The following VWA8 variants were observed in gnomAD, a reference collection of about 807,000 sequenced individuals.
VWA8 encodes von Willebrand factor A domain containing 8, also known as von Willebrand factor A domain-containing protein 8.
A neutral mutation model predicts 241.5 loss-of-function variants in VWA8; 221 were observed. The ratio of observed to expected loss-of-function variants is 0.91; its 90% CI spans 0.82 to 1.02. The LOEUF is 1.02. Among genes scored for constraint, VWA8 ranks in the 50% least tolerant of loss-of-function variants. The probability of loss-of-function intolerance (pLI) is 0.00; values close to 1 mark genes in which losing one functional copy is unlikely to be tolerated. For missense variants in VWA8, 2,322 were observed against 2,328.7 expected (o/e 1.00, Z 0.06); for synonymous variants, 852 against 827.1 (o/e 1.03, Z -0.52).
chr13:41,901,889 A>AAAAAAATATATATAT (rs1566500253), intron 4 of VWA8, among the ~76,000 whole-genome samples: 3 of 83,330 alleles, frequency 3.6e-5, no homozygotes, highest in African/African-American at 1.5e-4. Context: ...AAAAAAAAAA[A>AAAAAAATATATATAT]ATATATATAT....
chr13:41,927,820 A>G (rs1876921356), intron 2 of VWA8, among the ~76,000 whole-genome samples: 1 of 152,206 alleles, frequency 6.6e-6, no homozygotes, highest in African/African-American at 2.4e-5. Context: ...ATTTAAAAAA[A>G]GGGGGGAATT....
chr13:41,891,295 T>C (rs1874826295), intron 5 of VWA8, 125 bp downstream of exon 5: 1 of 1,156,726 alleles, frequency 8.6e-7, no homozygotes, highest in Non-Finnish European at 1.2e-6. Flanking sequence ...ACTCTAGCAA[T>C]TTACCCAAGA....
intron 40 of VWA8, among the ~76,000 whole-genome samples, chr13:41,591,670 C>T (rs970349853): frequency 6.6e-6 from 1 of 150,550 alleles, no homozygotes; most frequent in South Asian, 2.1e-4. Context: ...TGAACAGACA[C>T]TTCTCAAAAG....
At chr13:41,639,667 A>T (rs564904404) in intron 37 of VWA8, among the ~76,000 whole-genome samples, 1 of 152,212 alleles carries the variant, frequency 6.6e-6, no homozygotes, top group African/African-American at 2.4e-5. Flanking sequence ...ACTGAGGAAG[A>T]CTCTCACGGC....
At chr13:41,724,478 A>C (rs575886660) in intron 24 of VWA8, among the ~76,000 whole-genome samples, 1 of 152,278 alleles carries the variant, frequency 6.6e-6, no homozygotes, top group South Asian at 2.1e-4. Context: ...GAACAGCTAG[A>C]GCAGCAACCT....
chr13:41,796,658 C>T (rs1869715182), intron 17 of VWA8, among the ~76,000 whole-genome samples: 1 of 151,482 alleles, frequency 6.6e-6, no homozygotes, highest in South Asian at 2.1e-4. Context: ...GAATTTATGC[C>T]GTTAACTTCA....
chr13:41,674,926 C>T (rs984814137), intron 36 of VWA8, among the ~76,000 whole-genome samples: 1 of 151,944 alleles, frequency 6.6e-6, no homozygotes, highest in Non-Finnish European at 1.5e-5. Flanking sequence ...ACTAAAAATG[C>T]TATTCAGATA....
At chr13:41,805,690 T>C in intron 17 of VWA8, among the ~76,000 whole-genome samples, 1 of 152,048 alleles carries the variant, frequency 6.6e-6, no homozygotes, top group East Asian at 1.9e-4. Flanking sequence ...GGTGCACGCC[T>C]GTAATCCCAA....
Position 41,891,440 on chromosome 13 carries a change from G to T in VWA8, c.631C>A (p.Arg211Ser), listed in dbSNP as rs143338038. ...EDGRFLMSAE[R>S]YDKLLRDHTK... Reference sequence around the variant, plus strand: ...CTTACTCGGAGAAGTTTGTCGTAACGCTCAGCAGACATCAGGAAGCGTCCA... The same window carrying T: ...CTTACTCGGAGAAGTTTGTCGTAACTCTCAGCAGACATCAGGAAGCGTCCA... Residue 211 changes from arginine (R) to serine (S), a missense_variant, in exon 5 of 45, where the codon CGT becomes AGT. Coordinates refer to ENST00000379310, the MANE Select transcript of VWA8 (RefSeq NM_015058.2). 6.2e-7 allele frequency: 1 copy of T among 1,614,140 alleles called. No individual in the cohort carries two copies. Among genetic ancestry groups the T allele is most frequent in the Non-Finnish European group, 8.5e-7 (1 of 1,180,006 alleles).
intron 9 of VWA8, among the ~76,000 whole-genome samples, chr13:41,879,179 G>A (rs184815770): frequency 2.2e-4 from 34 of 152,092 alleles, no homozygotes; most frequent in African/African-American, 7.5e-4. Context: ...GATAAGTTCC[G>A]GTTCTCTTTT....
At chr13:41,959,606 C>CTTTTTTTTTTTTTTTTTTTTTTTTT (rs1168629617) in intron 1 of VWA8, among the ~76,000 whole-genome samples, 1 of 79,648 alleles carries the variant, frequency 1.3e-5, no homozygotes, top group Non-Finnish European at 2.3e-5. Flanking sequence ...CCTAAATATG[C>CTTTTTTTTTTTTTTTTTTTTTTTTT]TTTTTTTTTT....
At chr13:41,718,735 C>CTGATTTATATTTAATATATAATCAG (rs1292830780) in intron 26 of VWA8, among the ~76,000 whole-genome samples, 92 of 151,442 alleles carry the variant, frequency 6.1e-4, no homozygotes, top group South Asian at 1.0e-3. Flanking sequence ...TTGCTAATCA[C>CTGATTTATATTTAATATATAATCAG]TGATTTATAT....
At position 41,937,451 on chromosome 13, in the gene VWA8, GCA is replaced by G. The variant is rs201256102; in HGVS notation, c.241+12483_241+12484del. On this transcript the variant is annotated intron_variant, in intron 2 of 44. Transcript: ENST00000379310. ...AGCGCACAACCTAGATCCATTGTATGCACAGTTACCAGTAGGGTTTGTCCTCC... is the reference window on the plus strand; with the variant it reads ...AGCGCACAACCTAGATCCATTGTATGCAGTTACCAGTAGGGTTTGTCCTCC... Among the ~76,000 whole-genome samples the G allele has an allele frequency of 6.3e-3, 966 of 152,294 alleles. 6 individuals carry two copies. The highest frequency in any genetic ancestry group is 0.022 in the African/African-American group (911 of 41,558).
At chr13:41,687,527 T>C (rs2045144866) in intron 34 of VWA8, among the ~76,000 whole-genome samples, 1 of 152,154 alleles carries the variant, frequency 6.6e-6, no homozygotes, top group Admixed American at 6.6e-5. Flanking sequence ...TGTGGTGTGG[T>C]AAAAGGATGT....
chr13:41,819,749 A>T (rs17595042), intron 14 of VWA8, among the ~76,000 whole-genome samples: 9,836 of 152,246 alleles, frequency 0.065, 402 homozygotes, highest in East Asian at 0.12. Context: ...TTATTCATTT[A>T]AAACCCCTCA....
chr13:41,827,178 G>A (rs1249380929), intron 14 of VWA8, among the ~76,000 whole-genome samples: 1 of 152,146 alleles, frequency 6.6e-6, no homozygotes, highest in Non-Finnish European at 1.5e-5. Flanking sequence ...GAAAATGAGT[G>A]TTGTATAGTA....
intron 43 of VWA8, among the ~76,000 whole-genome samples, chr13:41,573,748 G>A (rs371983351): frequency 9.2e-5 from 14 of 151,762 alleles, no homozygotes; most frequent in East Asian, 7.8e-4. Flanking sequence ...CTCCCGGGTG[G>A]CTGGGATTGC....
At chr13:41,650,350 T>C (rs2044861384) in intron 37 of VWA8, among the ~76,000 whole-genome samples, 1 of 152,194 alleles carries the variant, frequency 6.6e-6, no homozygotes, top group South Asian at 2.1e-4. Flanking sequence ...TGGATAGAAC[T>C]TGGAATCAAA....
chr13:41,722,122 AC>A, intron 24 of VWA8, among the ~76,000 whole-genome samples: 1 of 152,300 alleles, frequency 6.6e-6, no homozygotes, highest in African/African-American at 2.4e-5. Context: ...TTCTTTATGT[AC>A]TAAAAAAGGG....
Sources: allele counts gnomAD v4.1 joint callset (sites outside exome capture counted in the v4.1 genomes callset), GRCh38; gene constraint gnomAD v4.1.1; transcripts MANE v1.5; gene names NCBI Gene and HGNC (gene_info 2026-07-23, HGNC 2026-07-21).